The following PSAT1 variants were observed in gnomAD, a reference collection of about 807,000 sequenced individuals.
The protein encoded by PSAT1 is phosphoserine aminotransferase.
Under a neutral mutation model 40.3 loss-of-function variants are expected in PSAT1, and 41 were observed. The observed-to-expected ratio is 1.02, with a 90% CI of 0.79 to 1.32. PSAT1 has a LOEUF of 1.32. PSAT1 is among the 40% of genes most tolerant of loss of function. The probability of loss-of-function intolerance (pLI) is 0.00; values close to 1 mark genes in which losing one functional copy is unlikely to be tolerated. For synonymous variants in PSAT1, 147 were observed against 170.5 expected, an observed-to-expected ratio of 0.86 and a Z score of 1.07; for missense variants, 406 against 455.8, an observed-to-expected ratio of 0.89 and a Z score of 0.99.
Position 78,310,242 on chromosome 9 carries a change from A to G in PSAT1, c.740+1659A>G. On this transcript the variant is annotated intron_variant, in intron 6 of 8. Transcript: ENST00000376588. ...GTTATGATCATGATTCCCATTTTGC[A>G]AGTGAGGAAGCCGAGGTCATATTTT... Among the ~76,000 whole-genome samples the G allele has an allele frequency of 1.3e-5, 2 of 152,182 alleles. 1 individual carries two copies. The highest frequency in any genetic ancestry group is 2.9e-5 in the Non-Finnish European group (2 of 68,038).
intron 6 of PSAT1, among the ~76,000 whole-genome samples, chr9:78,311,290 G>A (rs1828263873): frequency 1.3e-5 from 2 of 152,146 alleles, no homozygotes; most frequent in Admixed American, 1.3e-4. Context: ...GGTACAGGAG[G>A]CTGTCCTTAC....
At chr9:78,326,907 C>CT in intron 7 of PSAT1, among the ~76,000 whole-genome samples, 1 of 143,314 alleles carries the variant, frequency 7.0e-6, no homozygotes, top group East Asian at 2.0e-4. Context: ...CTCCAGCACT[C>CT]TAGCTCAAAC....
At chr9:78,305,577 C>T (rs957017918) in intron 4 of PSAT1, among the ~76,000 whole-genome samples, 3 of 152,194 alleles carry the variant, frequency 2.0e-5, no homozygotes, top group Non-Finnish European at 2.9e-5. Flanking sequence ...AAAGCTGTCC[C>T]TTTCTTGAAA....
chr9:78,313,183 T>C (rs1405055427), intron 6 of PSAT1, among the ~76,000 whole-genome samples: 1 of 152,118 alleles, frequency 6.6e-6, no homozygotes, highest in Non-Finnish European at 1.5e-5. Context: ...CTGGCCAACA[T>C]GGTGAAACCC....
intron 7 of PSAT1, among the ~76,000 whole-genome samples, chr9:78,326,074 G>C (rs1828493562): frequency 6.6e-6 from 1 of 152,170 alleles, no homozygotes; most frequent in South Asian, 2.1e-4. Flanking sequence ...ACTTCGAATA[G>C]TGGGGCCTGG....
At chr9:78,323,109 C>T (rs1828452055) in intron 7 of PSAT1, among the ~76,000 whole-genome samples, 1 of 152,136 alleles carries the variant, frequency 6.6e-6, no homozygotes, top group East Asian at 1.9e-4. Context: ...TTGTGCCCAT[C>T]AGTAGGGGTC....
chr9:78,298,469 T>G, intron 1 of PSAT1: 48 of 979,162 alleles, frequency 4.9e-5, no homozygotes, highest in Non-Finnish European at 5.7e-5. Flanking sequence ...TCACAGTAGC[T>G]GAGAGGACAG....
At chr9:78,306,239 C>G (rs1828180717) in intron 4 of PSAT1, 75 bp from the exon 5 acceptor site, 8 of 1,533,110 alleles carry the variant, frequency 5.2e-6, no homozygotes, top group Non-Finnish European at 6.3e-6. Flanking sequence ...CTGTCAGTCT[C>G]CTGGTTGACT....
Position 78,297,209 on chromosome 9 carries a change from C to G in PSAT1, c.-2C>G. Reference sequence around the variant, plus strand: ...CTGACTCACCGCCCTGGCCGCCGCACCATGGACGCCCCCAGGCAGGTGGTC... The same window carrying G: ...CTGACTCACCGCCCTGGCCGCCGCAGCATGGACGCCCCCAGGCAGGTGGTC... On this transcript the variant is annotated 5_prime_UTR_variant, in exon 1 of 9. Transcript: ENST00000376588. 2.5e-6 allele frequency: 4 copies of G among 1,599,820 alleles called. No individual in the cohort carries two copies. Among genetic ancestry groups the G allele is most frequent in the Non-Finnish European group, 3.4e-6 (4 of 1,177,214 alleles).
In PSAT1 at chr9:78,308,520, C is replaced by T. The variant is rs1479566156; in HGVS notation, c.677C>T (p.Ser226Leu). The T allele has an allele frequency of 7.4e-6, 12 of 1,613,888 alleles. No individual in the cohort carries two copies. The highest frequency in any genetic ancestry group is 4.0e-5 in the African/African-American group (3 of 74,878). Residue 226 changes from serine (S) to leucine (L), a missense_variant, in exon 6 of 9, where the codon TCG becomes TTG. By Grantham distance (145) the Ser-to-Leu change is moderately radical. Coordinates refer to ENST00000376588, the MANE Select transcript of PSAT1 (RefSeq NM_058179.4). Reference protein sequence around the residue: ...LLGFALRECPSVLEYKVQAGN... With the variant: ...LLGFALRECPLVLEYKVQAGN... ...GGGTTTGCCCTCCGAGAGTGCCCCTCGGTCCTGGAATACAAGGTGCAGGCT... is the reference window on the plus strand; with the variant it reads ...GGGTTTGCCCTCCGAGAGTGCCCCTTGGTCCTGGAATACAAGGTGCAGGCT...
chr9:78,321,666 A>G (rs987601604), intron 7 of PSAT1, among the ~76,000 whole-genome samples: 1 of 152,072 alleles, frequency 6.6e-6, no homozygotes, highest in African/African-American at 2.4e-5. Flanking sequence ...TAAGACAACC[A>G]TCGAAGCCTC....
chr9:78,327,925 T>A (rs1160674213), intron 7 of PSAT1, 126 bp from the exon 8 acceptor site: 21 of 1,052,722 alleles, frequency 2.0e-5, no homozygotes, highest in Non-Finnish European at 2.8e-5. Flanking sequence ...AGATTTTTTG[T>A]TTTTTGTTTT....
intron 6 of PSAT1, among the ~76,000 whole-genome samples, chr9:78,311,666 T>C (rs1382419348): frequency 1.3e-5 from 2 of 151,922 alleles, no homozygotes; most frequent in African/African-American, 4.8e-5. Flanking sequence ...ACCCCGTCTC[T>C]ACTAAAAATA....
Position 78,297,325 on chromosome 9 carries a change from G to A in PSAT1, c.60+55G>A, listed in dbSNP as rs1335064133. On this transcript the variant is annotated intron_variant, in intron 1 of 8. Transcript: ENST00000376588. ...GAGGTTCAGGCGGGAGCACGCACGC[G>A]GGTGGGTTTGCATCCCTGCGTGTGG... 8.4e-6 allele frequency: 13 copies of A among 1,546,976 alleles called. No homozygotes were observed. In the East Asian group the frequency reaches 2.8e-4, roughly 34 times the overall value.
chr9:78,308,476 T>C lies in PSAT1; in HGVS notation c.633T>C (p.Ile211=), dbSNP rs770743886. 7 of 1,613,938 alleles carry C rather than the reference T, an allele frequency of 4.3e-6. No homozygotes were observed. The South Asian group carries it at 5.5e-5, about 13-fold the overall frequency. Residue 211 remains isoleucine (I), a synonymous_variant, in exon 6 of 9, where the codon ATT becomes ATC. Transcript: ENST00000376588. ...NVGSAGVTVV[I]VRDDLLGFAL... ...GCTCTGCTGGGGTCACCGTGGTGATTGTCCGTGATGACCTGCTGGGGTTTG... is the reference window on the plus strand; with the variant it reads ...GCTCTGCTGGGGTCACCGTGGTGATCGTCCGTGATGACCTGCTGGGGTTTG...
chr9:78,323,985 C>T (rs375937588), intron 7 of PSAT1, among the ~76,000 whole-genome samples: 2 of 152,086 alleles, frequency 1.3e-5, no homozygotes, highest in South Asian at 2.1e-4. Context: ...GACTTTCTTG[C>T]GTTCCCTTCT....
At chr9:78,306,959 C>T (rs573667519) in intron 5 of PSAT1, among the ~76,000 whole-genome samples, 6 of 152,266 alleles carry the variant, frequency 3.9e-5, no homozygotes, top group Non-Finnish European at 5.9e-5. Flanking sequence ...GGGTGCGATG[C>T]GGGTAGAGAA....
intron 6 of PSAT1, among the ~76,000 whole-genome samples, chr9:78,315,626 G>A (rs1313208870): frequency 6.6e-6 from 1 of 152,188 alleles, no homozygotes; most frequent in African/African-American, 2.4e-5. Context: ...GAGGTAGGCT[G>A]GGGAAGCTTC....
At chr9:78,314,108 G>T (rs937367369) in intron 6 of PSAT1, among the ~76,000 whole-genome samples, 1 of 152,252 alleles carries the variant, frequency 6.6e-6, no homozygotes, top group African/African-American at 2.4e-5. Context: ...GTAGTGGGAA[G>T]AATTGAGACC....
Sources: gnomAD v4.1 joint callset for allele counts (sites outside exome capture counted in the v4.1 genomes callset) on GRCh38, gnomAD v4.1.1 for gene constraint, MANE v1.5 for transcripts, NCBI Gene and HGNC (gene_info 2026-07-23, HGNC 2026-07-21) for gene names.